Variants in MAST4 observed in about 807,000 individuals in gnomAD.
The protein encoded by MAST4 is microtubule associated serine/threonine kinase family member 4.
In MAST4, 89 loss-of-function variants were observed where a neutral mutation model predicts 162.7. The ratio of observed to expected loss-of-function variants is 0.55; its 90% CI spans 0.46 to 0.65. The LOEUF (loss-of-function observed/expected upper bound fraction) is 0.65. Ranked by LOEUF, MAST4 falls within the 30% of genes least tolerant of loss-of-function variation. The pLI is 0.00. For synonymous variants in MAST4, 1,479 were observed against 1,361.1 expected, an observed-to-expected ratio of 1.09 and a Z score of -1.91; for missense variants, 3,153 against 3,374.0, an observed-to-expected ratio of 0.93 and a Z score of 1.62.
At chr5:67,020,688 A>T (rs1411950293) in intron 4 of MAST4, among the ~76,000 whole-genome samples, 2 of 152,246 alleles carry the variant, frequency 1.3e-5, no homozygotes, top group Non-Finnish European at 2.9e-5. Flanking sequence ...TGGAATGCTG[A>T]GTTAGACTTG....
intron 4 of MAST4, among the ~76,000 whole-genome samples, chr5:66,966,585 G>C (rs897543375): frequency 1.3e-5 from 2 of 152,178 alleles, no homozygotes; most frequent in Admixed American, 1.3e-4. Context: ...GGTGGAAAGG[G>C]AAAGAGCATG....
At chr5:67,061,537 T>C (rs1367224677) in intron 5 of MAST4, among the ~76,000 whole-genome samples, 1 of 151,886 alleles carries the variant, frequency 6.6e-6, no homozygotes. Context: ...CTAATAGAAG[T>C]TATTATTTTT....
intron 1 of MAST4, among the ~76,000 whole-genome samples, chr5:66,637,495 A>G (rs185531415): frequency 1.2e-4 from 19 of 152,134 alleles, no homozygotes; most frequent in Admixed American, 5.9e-4. Context: ...GTCCTTGGAC[A>G]TTTTTCTATT....
At chr5:66,900,466 A>G (rs1011390013) in intron 4 of MAST4, among the ~76,000 whole-genome samples, 1 of 152,096 alleles carries the variant, frequency 6.6e-6, no homozygotes, top group African/African-American at 2.4e-5. Context: ...TATTAAAATA[A>G]TGGATTTATG....
intron 1 of MAST4, among the ~76,000 whole-genome samples, chr5:66,620,728 ATC>A (rs1253066068): frequency 2.0e-5 from 3 of 150,664 alleles, no homozygotes; most frequent in African/African-American, 7.3e-5. Flanking sequence ...CTCTGTGTCT[ATC>A]TCTCTTTTCT....
chr5:66,739,053 C>G (rs1421025381), intron 1 of MAST4, among the ~76,000 whole-genome samples: 1 of 151,854 alleles, frequency 6.6e-6, no homozygotes, highest in Non-Finnish European at 1.5e-5. Context: ...ATGAAGAGTG[C>G]TTTATTATCA....
At chr5:66,649,978 C>CT (rs10713389) in intron 1 of MAST4, among the ~76,000 whole-genome samples, 33 of 149,984 alleles carry the variant, frequency 2.2e-4, no homozygotes, top group South Asian at 6.4e-4. Flanking sequence ...ACCAATTCAC[C>CT]TTTTTTTTTT....
chr5:66,923,897 G>C (rs1764707101), intron 4 of MAST4, among the ~76,000 whole-genome samples: 1 of 152,160 alleles, frequency 6.6e-6, no homozygotes, highest in South Asian at 2.1e-4. Context: ...TTCAATTATT[G>C]GGAAATGGCA....
intron 1 of MAST4, among the ~76,000 whole-genome samples, chr5:66,754,255 C>G (rs1162769967): frequency 6.6e-6 from 1 of 152,112 alleles, no homozygotes; most frequent in Non-Finnish European, 1.5e-5. Context: ...TTGATTTGGA[C>G]AAATATATAT....
chr5:67,076,770 T>C (rs2150700669), intron 5 of MAST4, among the ~76,000 whole-genome samples: 1 of 152,320 alleles, frequency 6.6e-6, no homozygotes, highest in Admixed American at 6.5e-5. Flanking sequence ...TTTTACCTAA[T>C]GTAAAACATT....
At chr5:66,895,257 C>T (rs1433545630) in intron 3 of MAST4, among the ~76,000 whole-genome samples, 1 of 152,182 alleles carries the variant, frequency 6.6e-6, no homozygotes, top group Admixed American at 6.6e-5. Context: ...AAGTGTATAG[C>T]ACAATCCTCC....
At chr5:67,133,818 CT>C (rs1310636790) in intron 17 of MAST4, among the ~76,000 whole-genome samples, 172 bp downstream of exon 17, 3 of 152,148 alleles carry the variant, frequency 2.0e-5, no homozygotes, top group Non-Finnish European at 4.4e-5. Flanking sequence ...CCCTGGGCCT[CT>C]TTGAATTGTC....
At chr5:66,879,138 G>T (rs1202264882) in intron 3 of MAST4, among the ~76,000 whole-genome samples, 1 of 152,050 alleles carries the variant, frequency 6.6e-6, no homozygotes, top group Non-Finnish European at 1.5e-5. Flanking sequence ...AATTAGCTGG[G>T]CGTGGTGGCG....
chr5:66,716,219 AG>A (rs1173548793), intron 1 of MAST4, among the ~76,000 whole-genome samples: 3 of 152,214 alleles, frequency 2.0e-5, no homozygotes, highest in Non-Finnish European at 2.9e-5. Flanking sequence ...TACATTTAAA[AG>A]CTTGAATAAA....
intron 1 of MAST4, among the ~76,000 whole-genome samples, chr5:66,628,255 A>G (rs996569010): frequency 2.6e-5 from 4 of 151,824 alleles, no homozygotes; most frequent in African/African-American, 9.7e-5. Flanking sequence ...GCTGGTCTCA[A>G]ACTCCTAGGT....
At chr5:66,819,201 C>G (rs1756873944) in intron 3 of MAST4, among the ~76,000 whole-genome samples, 1 of 152,178 alleles carries the variant, frequency 6.6e-6, no homozygotes. Context: ...AATGCAGGGA[C>G]TGGTGGAATG....
At chr5:66,852,314 T>C (rs567734046) in intron 3 of MAST4, among the ~76,000 whole-genome samples, 1 of 152,210 alleles carries the variant, frequency 6.6e-6, no homozygotes, top group African/African-American at 2.4e-5. Context: ...TGGGCTAATT[T>C]TTGTACTTTT....
Position 66,788,924 on chromosome 5 carries a change from G to A in MAST4, c.642+130G>A, listed in dbSNP as rs114655879. Reference sequence around the variant, plus strand: ...CGTTAAGCACATATTTGGCAATGTGGAATTCCTTGCTTTCAATGTGCTAAT... The same window carrying A: ...CGTTAAGCACATATTTGGCAATGTGAAATTCCTTGCTTTCAATGTGCTAAT... On this transcript the variant is annotated intron_variant, in intron 3 of 28. Transcript: ENST00000403625. The A allele has an allele frequency of 1.4e-3, 1,727 of 1,226,210 alleles. 16 individuals carry two copies. The African/African-American group carries it at 0.025, about 18-fold the overall frequency. 76.0% of individuals were successfully genotyped at this position (1,226,210 alleles called of 1,614,324 possible). A position where few individuals can be genotyped will look rare whatever the true frequency, so the allele number is the denominator to read the frequency against.
chr5:66,865,195 A>G (rs1479087929), intron 3 of MAST4, among the ~76,000 whole-genome samples: 1 of 152,236 alleles, frequency 6.6e-6, no homozygotes, highest in Admixed American at 6.5e-5. Flanking sequence ...TGAAATTTGC[A>G]GTCCCTGTTT....
Sources: allele counts gnomAD v4.1 joint callset (sites outside exome capture counted in the v4.1 genomes callset), GRCh38; gene constraint gnomAD v4.1.1; transcripts MANE v1.5; gene names NCBI Gene and HGNC (gene_info 2026-07-23, HGNC 2026-07-21).